The following SPTBN4 variants were observed in gnomAD, a reference collection of about 807,000 sequenced individuals.
SPTBN4 encodes spectrin beta, non-erythrocytic 4, also known as spectrin beta chain, non-erythrocytic 4.
In SPTBN4, 96 loss-of-function variants were observed where a neutral mutation model predicts 277.8. That is an observed-to-expected ratio of 0.35 (90% CI 0.29 to 0.41). SPTBN4 has a LOEUF of 0.41. SPTBN4 is among the 10% of genes least tolerant of loss of function. The pLI, the probability that SPTBN4 is intolerant of heterozygous loss-of-function variation, is 1.00. For missense variants in SPTBN4, 3,006 were observed against 3,595.7 expected (o/e 0.84, Z 4.19); for synonymous variants, 1,481 against 1,580.3 (o/e 0.94, Z 1.49).
chr19:40,556,311 G>T, intron 25 of SPTBN4, 23 bp downstream of exon 25: 1 of 1,592,144 alleles, frequency 6.3e-7, no homozygotes, highest in Non-Finnish European at 8.6e-7. Flanking sequence ...AGTAATAAGT[G>T]ATACCAGGAG....
At chr19:40,530,629 C>T (rs2080655706) in intron 18 of SPTBN4, 1 of 958,804 alleles carries the variant, frequency 1.0e-6, no homozygotes, top group Non-Finnish European at 1.2e-6. Flanking sequence ...GGCGCGCACC[C>T]CGCGGACGCA....
chr19:40,550,808 C>T (rs1054771199), intron 22 of SPTBN4, among the ~76,000 whole-genome samples: 1 of 152,238 alleles, frequency 6.6e-6, no homozygotes. Flanking sequence ...TGTGAGCCAC[C>T]GCGCCCGGCC....
chr19:40,513,123 C>T lies in SPTBN4; in HGVS notation c.2334C>T (p.Phe778=). 1 of 1,480,178 alleles carries T rather than the reference C, an allele frequency of 6.8e-7. No homozygotes were observed. Among genetic ancestry groups the T allele is most frequent in the Non-Finnish European group, 8.9e-7 (1 of 1,124,422 alleles). The allele number at this position is 1,480,178 out of a possible 1,614,324, so 91.7% of individuals were successfully genotyped here. A position where few individuals can be genotyped will look rare whatever the true frequency, so the allele number is the denominator to read the frequency against. The change falls in exon 14 of 36, where the codon TTC becomes TTT. Residue 778 remains phenylalanine, a synonymous_variant. Transcript: ENST00000598249. ...AGGAGGCGCGGGCGCTGCACCAGTTCGGCGCTGACCTCGACGGGCTGCTGG... is the reference window on the plus strand; with the variant it reads ...AGGAGGCGCGGGCGCTGCACCAGTTTGGCGCTGACCTCGACGGGCTGCTGG... ...RLQEARALHQ[F]GADLDGLLDW...
chr19:40,507,445 T>C (rs952274089), intron 13 of SPTBN4, among the ~76,000 whole-genome samples: 9 of 151,866 alleles, frequency 5.9e-5, no homozygotes, highest in African/African-American at 2.2e-4. Flanking sequence ...GTCTCATGCC[T>C]GTAATTCCAG....
At chr19:40,524,675 G>C (rs1247339255) in intron 17 of SPTBN4, 1 of 450,626 alleles carries the variant, frequency 2.2e-6, no homozygotes, top group African/African-American at 2.0e-5. Context: ...TGCCAGGCTG[G>C]TTGTCAAATA....
chr19:40,558,478 G>A (rs1199874307), intron 26 of SPTBN4, among the ~76,000 whole-genome samples: 1 of 152,190 alleles, frequency 6.6e-6, no homozygotes, highest in Non-Finnish European at 1.5e-5. Context: ...TTAGGCAGAG[G>A]TTCTGGCCAG....
In SPTBN4 at chr19:40,508,424, C is replaced by T. The variant is rs557927877; in HGVS notation, c.1816+2038C>T. Reference sequence around the variant, plus strand: ...ATGGGGGGCTAGGCGCGGTGGCTCACGCCTGTAATCCCAGCACTTTGAGAG... The same window carrying T: ...ATGGGGGGCTAGGCGCGGTGGCTCATGCCTGTAATCCCAGCACTTTGAGAG... On this transcript the variant is annotated intron_variant, in intron 13 of 35. Transcript: ENST00000598249. Among the ~76,000 whole-genome samples, 16 of 152,298 alleles carry T rather than the reference C, an allele frequency of 1.1e-4. No individual in the cohort carries two copies. In the South Asian group the frequency reaches 1.2e-3, roughly 12 times the overall value.
intron 15 of SPTBN4, among the ~76,000 whole-genome samples, chr19:40,517,226 G>A (rs2145872947): frequency 6.6e-6 from 1 of 152,164 alleles, no homozygotes; most frequent in Admixed American, 6.5e-5. Flanking sequence ...AGGTTACACA[G>A]CAAGTTAGGG....
At position 40,570,709 on chromosome 19, in the gene SPTBN4, A is replaced by G. The variant is rs1404266623; in HGVS notation, c.7300A>G (p.Asn2434Asp). 3 of 1,608,358 alleles carry G rather than the reference A, an allele frequency of 1.9e-6. No individual in the cohort carries two copies. Among genetic ancestry groups the G allele is most frequent in the Non-Finnish European group, 2.5e-6 (3 of 1,177,996 alleles). ...FLLRKRELDA[N>D]RKSSNRSWVS... The stretch of plus-strand genomic sequence containing the variant: ...ACTGCGCAAGCGCGAGCTCGACGCT[A>G]ACCGCAAGTCGTCCAACCGGTGAGC... Residue 2434 changes from asparagine (N) to aspartate (D), a missense_variant, in exon 33 of 36, where the codon AAC becomes GAC. Physicochemically the swap from Asn to Asp is conservative, Grantham distance 23 (BLOSUM62 1). Coordinates refer to ENST00000598249, the MANE Select transcript of SPTBN4 (RefSeq NM_020971.3).
intron 3 of SPTBN4, 124 bp downstream of exon 3, chr19:40,487,972 A>G: frequency 6.0e-6 from 7 of 1,165,726 alleles, no homozygotes; most frequent in Non-Finnish European, 8.0e-6. Context: ...AACGTGCTGG[A>G]AGGGCCCTGT....
chr19:40,492,700 C>A (rs2080152744), intron 4 of SPTBN4, among the ~76,000 whole-genome samples: 1 of 152,074 alleles, frequency 6.6e-6, no homozygotes, highest in African/African-American at 2.4e-5. Flanking sequence ...GACGGCAGTG[C>A]CTTAGACCAG....
At chr19:40,522,189 G>C (rs1324641072) in intron 16 of SPTBN4, among the ~76,000 whole-genome samples, 1 of 151,260 alleles carries the variant, frequency 6.6e-6, no homozygotes, top group East Asian at 2.0e-4. Flanking sequence ...ACCATGCCTG[G>C]TTAATTTTTT....
intron 18 of SPTBN4, chr19:40,530,458 C>G: frequency 1.0e-6 from 1 of 970,102 alleles, no homozygotes; most frequent in East Asian, 1.2e-4. Flanking sequence ...GGCCGCCGCG[C>G]GGGGGCGAGG....
chr19:40,545,923 G>A (rs1266702831), intron 20 of SPTBN4, among the ~76,000 whole-genome samples: 1 of 151,958 alleles, frequency 6.6e-6, no homozygotes, highest in East Asian at 1.9e-4. Context: ...GGCACCTGTA[G>A]TCCCAGCTAC....
At chr19:40,540,814 C>CAAAAAAA (rs58695945) in intron 20 of SPTBN4, among the ~76,000 whole-genome samples, 3 of 79,340 alleles carry the variant, frequency 3.8e-5, no homozygotes, top group South Asian at 5.1e-4. Context: ...ACCCCCATCT[C>CAAAAAAA]AAAAAAAAAA....
intron 6 of SPTBN4, 181 bp from the exon 7 acceptor site, chr19:40,497,308 C>A: frequency 1.7e-6 from 1 of 596,048 alleles, no homozygotes; most frequent in Admixed American, 2.8e-5. Flanking sequence ...GAGACATGCC[C>A]GCGTCCATCA....
chr19:40,475,577 C>T (rs1356012804), intron 2 of SPTBN4, among the ~76,000 whole-genome samples: 5 of 152,006 alleles, frequency 3.3e-5, no homozygotes, highest in Admixed American at 6.6e-5. Context: ...TCTCCCGCCT[C>T]GGGAGTCCCG....
At chr19:40,489,018 C>G (rs1041830330) in intron 3 of SPTBN4, among the ~76,000 whole-genome samples, 1 of 151,438 alleles carries the variant, frequency 6.6e-6, no homozygotes, top group Non-Finnish European at 1.5e-5. Flanking sequence ...AGACCCGTTT[C>G]TACAAAAAAT....
intron 17 of SPTBN4, among the ~76,000 whole-genome samples, chr19:40,527,349 G>A (rs184656372): frequency 3.6e-4 from 55 of 152,204 alleles, no homozygotes; most frequent in African/African-American, 1.2e-3. Context: ...TAAGTCGAGC[G>A]TGTACTGTAT....
Sources: allele counts gnomAD v4.1 joint callset (sites outside exome capture counted in the v4.1 genomes callset), GRCh38; gene constraint gnomAD v4.1.1; transcripts MANE v1.5; gene names NCBI Gene and HGNC (gene_info 2026-07-23, HGNC 2026-07-21).